The following ATXN7L1 variants were observed in gnomAD, a reference collection of about 807,000 sequenced individuals.
ATXN7L1 encodes ataxin 7 like 1.
In ATXN7L1, 15 loss-of-function variants were observed where a neutral mutation model predicts 70.8. That is an observed-to-expected ratio of 0.21 (90% CI 0.14 to 0.33). The LOEUF is 0.33. Among genes scored for constraint, ATXN7L1 ranks in the 10% least tolerant of loss-of-function variants. The pLI is 1.00. For missense variants in ATXN7L1, 975 were observed against 1,097.1 expected, an observed-to-expected ratio of 0.89 and a Z score of 1.57; for synonymous variants, 440 against 445.1, an observed-to-expected ratio of 0.99 and a Z score of 0.14.
At chr7:105,790,705 A>ATCTG (rs1435783416) in intron 2 of ATXN7L1, among the ~76,000 whole-genome samples, 8 of 150,762 alleles carry the variant, frequency 5.3e-5, no homozygotes, top group Non-Finnish European at 1.0e-4. Flanking sequence ...CTATCTATCT[A>ATCTG]TCTATCTATC....
At chr7:105,683,177 T>G (rs559869781) in intron 3 of ATXN7L1, among the ~76,000 whole-genome samples, 1 of 152,190 alleles carries the variant, frequency 6.6e-6, no homozygotes, top group Non-Finnish European at 1.5e-5. Context: ...CAAAGAAGTG[T>G]TAATTTGTCT....
intron 3 of ATXN7L1, among the ~76,000 whole-genome samples, chr7:105,709,005 A>G (rs950394586): frequency 6.6e-6 from 1 of 152,204 alleles, no homozygotes; most frequent in Non-Finnish European, 1.5e-5. Context: ...CTTATTCTGT[A>G]GGTCAATGTA....
chr7:105,744,735 CTTTTTTTT>C (rs11465151), intron 3 of ATXN7L1, among the ~76,000 whole-genome samples: 4 of 117,126 alleles, frequency 3.4e-5, no homozygotes, highest in African/African-American at 6.6e-5. Flanking sequence ...TCTTTCTTTA[CTTTTTTTT>C]TTTTTTTTTT....
intron 3 of ATXN7L1, among the ~76,000 whole-genome samples, chr7:105,761,625 G>C (rs1800563645): frequency 6.6e-6 from 1 of 152,098 alleles, no homozygotes; most frequent in Non-Finnish European, 1.5e-5. Flanking sequence ...CTATCAAAAT[G>C]TATGTCCCAA....
chr7:105,814,810 A>C (rs1181763574), intron 2 of ATXN7L1, among the ~76,000 whole-genome samples: 1 of 152,236 alleles, frequency 6.6e-6, no homozygotes, highest in Non-Finnish European at 1.5e-5. Context: ...GAAAAGATAC[A>C]GAAAATCTCA....
chr7:105,802,543 A>T (rs1282745766), intron 2 of ATXN7L1, among the ~76,000 whole-genome samples: 1 of 152,226 alleles, frequency 6.6e-6, no homozygotes, highest in East Asian at 1.9e-4. Flanking sequence ...CCAATTTCCC[A>T]GCAAATCCTA....
At chr7:105,681,749 G>A (rs1805585208) in intron 3 of ATXN7L1, among the ~76,000 whole-genome samples, 1 of 152,030 alleles carries the variant, frequency 6.6e-6, no homozygotes, top group South Asian at 2.1e-4. Flanking sequence ...CAAACTTTGG[G>A]GACACTATGC....
chr7:105,826,987 C>A (rs1810961804), intron 2 of ATXN7L1, among the ~76,000 whole-genome samples: 1 of 152,198 alleles, frequency 6.6e-6, no homozygotes. Flanking sequence ...CACAAGACAG[C>A]AGGGACCACC....
At chr7:105,784,027 T>C (rs1371094827) in intron 3 of ATXN7L1, among the ~76,000 whole-genome samples, 1 of 152,150 alleles carries the variant, frequency 6.6e-6, no homozygotes, top group Admixed American at 6.5e-5. Flanking sequence ...AGTGGCACCA[T>C]CATAGCTCAC....
chr7:105,652,423 G>C (rs1057173211), intron 4 of ATXN7L1, among the ~76,000 whole-genome samples: 1 of 152,212 alleles, frequency 6.6e-6, no homozygotes, highest in African/African-American at 2.4e-5. Flanking sequence ...ATTTGATTCT[G>C]CAGGGAGCGC....
intron 2 of ATXN7L1, among the ~76,000 whole-genome samples, chr7:105,864,351 A>G (rs1817065344): frequency 6.8e-6 from 1 of 147,148 alleles, no homozygotes; most frequent in South Asian, 2.2e-4. Flanking sequence ...CTAGCTACCT[A>G]GGAGTCTGAG....
At chr7:105,631,669 G>T (rs1796616471) in intron 7 of ATXN7L1, among the ~76,000 whole-genome samples, 1 of 152,216 alleles carries the variant, frequency 6.6e-6, no homozygotes, top group Admixed American at 6.5e-5. Flanking sequence ...GTTTCACCAT[G>T]TTGGCCAGGC....
chr7:105,802,607 T>G (rs1366793759), intron 2 of ATXN7L1, among the ~76,000 whole-genome samples: 1 of 152,214 alleles, frequency 6.6e-6, no homozygotes, highest in Non-Finnish European at 1.5e-5. Context: ...TTTTATTTAC[T>G]TAAGGTCTGC....
At chr7:105,870,116 C>T (rs1818034385) in intron 2 of ATXN7L1, among the ~76,000 whole-genome samples, 1 of 151,916 alleles carries the variant, frequency 6.6e-6, no homozygotes, top group Non-Finnish European at 1.5e-5. Context: ...CCAGCCTCTA[C>T]TAAAAATACA....
At chr7:105,754,249 G>A (rs1173592005) in intron 3 of ATXN7L1, among the ~76,000 whole-genome samples, 1 of 152,154 alleles carries the variant, frequency 6.6e-6, no homozygotes, top group Non-Finnish European at 1.5e-5. Flanking sequence ...GAGTGGAGGA[G>A]AGGGGAAGGA....
chr7:105,845,515 C>CT (rs61110572), intron 2 of ATXN7L1, among the ~76,000 whole-genome samples: 6,029 of 138,488 alleles, frequency 0.044, 195 homozygotes, highest in African/African-American at 0.09. Flanking sequence ...AGTACCCAGT[C>CT]TTTTTTTTTT....
intron 3 of ATXN7L1, among the ~76,000 whole-genome samples, chr7:105,745,402 A>G (rs982777714): frequency 6.6e-6 from 1 of 152,160 alleles, no homozygotes; most frequent in Non-Finnish European, 1.5e-5. Flanking sequence ...CATCCTTGTA[A>G]TATATTTTTT....
At chr7:105,821,630 T>C (rs367649119) in intron 2 of ATXN7L1, among the ~76,000 whole-genome samples, 2 of 152,160 alleles carry the variant, frequency 1.3e-5, no homozygotes, top group African/African-American at 4.8e-5. Flanking sequence ...CAGGTATAGG[T>C]TTTGGAGACA....
At chr7:105,671,628 G>A (rs1293223517) in intron 3 of ATXN7L1, among the ~76,000 whole-genome samples, 1 of 152,148 alleles carries the variant, frequency 6.6e-6, no homozygotes. Context: ...TGGGTACAGT[G>A]GCTCATGCCT....
Sources: gnomAD v4.1 joint callset for allele counts (sites outside exome capture counted in the v4.1 genomes callset) on GRCh38, gnomAD v4.1.1 for gene constraint, MANE v1.5 for transcripts, NCBI Gene and HGNC (gene_info 2026-07-23, HGNC 2026-07-21) for gene names.